The following DSCAML1 variants were observed in gnomAD, a reference collection of about 807,000 sequenced individuals.
DSCAML1 encodes cell adhesion molecule DSCAML1.
In DSCAML1, 38 loss-of-function variants were observed where a neutral mutation model predicts 200.5. That is an observed-to-expected ratio of 0.19 (90% CI 0.15 to 0.25). The LOEUF (loss-of-function observed/expected upper bound fraction) is 0.25, where lower values mean the gene tolerates loss of function less well. Ranked by LOEUF, DSCAML1 falls within the 10% of genes least tolerant of loss-of-function variation. The pLI is 1.00. For synonymous variants in DSCAML1, 1,215 were observed against 1,165.0 expected (o/e 1.04, Z -0.87); for missense variants, 2,223 against 2,858.8 (o/e 0.78, Z 5.07).
intron 20 of DSCAML1, among the ~76,000 whole-genome samples, chr11:117,449,971 T>G (rs2048253850): frequency 6.6e-6 from 1 of 152,196 alleles, no homozygotes; most frequent in Non-Finnish European, 1.5e-5. Context: ...ATGTCCTGCC[T>G]GGGGGCTGCC....
chr11:117,678,570 A>C (rs1591391566), intron 3 of DSCAML1, among the ~76,000 whole-genome samples: 1 of 152,208 alleles, frequency 6.6e-6, no homozygotes. Context: ...GCTGTATTTG[A>C]GAGAGGGTCA....
At chr11:117,570,310 G>A (rs973867258) in intron 3 of DSCAML1, among the ~76,000 whole-genome samples, 1 of 152,180 alleles carries the variant, frequency 6.6e-6, no homozygotes, top group African/African-American at 2.4e-5. Flanking sequence ...AGGAATTGCA[G>A]TTCTGAGACT....
chr11:117,711,697 T>C (rs1487401973), intron 3 of DSCAML1, among the ~76,000 whole-genome samples: 2 of 152,198 alleles, frequency 1.3e-5, no homozygotes. Context: ...TCCTTTTTTT[T>C]CCTCCAATTT....
Position 117,518,438 on chromosome 11 carries a change from A to T in DSCAML1, c.1510+28T>A. 1 of 1,613,716 alleles carries T rather than the reference A, an allele frequency of 6.2e-7. No individual in the cohort carries two copies. Among genetic ancestry groups the T allele is most frequent in the Non-Finnish European group, 8.5e-7 (1 of 1,179,808 alleles). Reference sequence around the variant, plus strand: ...AGATGGCAAAGGAACTCAAAAACCTATTCTGATATTTAAATGTAGACAGGC... The same window carrying T: ...AGATGGCAAAGGAACTCAAAAACCTTTTCTGATATTTAAATGTAGACAGGC... On this transcript the variant is annotated intron_variant, in intron 7 of 32. Transcript: ENST00000651296. The surrounding 1 kb of genome is among the most constrained non-coding windows in gnomAD (Gnocchi z 6.3).
chr11:117,640,388 GGA>G (rs1445661066), intron 3 of DSCAML1, among the ~76,000 whole-genome samples: 4 of 152,230 alleles, frequency 2.6e-5, no homozygotes, highest in African/African-American at 9.6e-5. Flanking sequence ...AAGGAAGGTA[GGA>G]GTGGGGAGAT....
intron 3 of DSCAML1, among the ~76,000 whole-genome samples, chr11:117,665,969 C>A (rs999827329): frequency 2.6e-5 from 4 of 152,208 alleles, no homozygotes; most frequent in African/African-American, 9.6e-5. Flanking sequence ...CAGTCCAGGA[C>A]CCTCTCTCTC....
intron 3 of DSCAML1, among the ~76,000 whole-genome samples, chr11:117,762,903 T>TAATAATAA (rs2054829997): frequency 7.8e-6 from 1 of 127,952 alleles, no homozygotes; most frequent in Non-Finnish European, 1.7e-5. Context: ...TAATAATAAT[T>TAATAATAA]TAATATATAT....
At chr11:117,705,640 T>A (rs2053747171) in intron 3 of DSCAML1, among the ~76,000 whole-genome samples, 1 of 152,242 alleles carries the variant, frequency 6.6e-6, no homozygotes, top group East Asian at 1.9e-4. Context: ...CTCACCCATG[T>A]GTCCTGTCTA....
At chr11:117,449,201 G>T (rs1313592649) in intron 20 of DSCAML1, among the ~76,000 whole-genome samples, 1 of 152,192 alleles carries the variant, frequency 6.6e-6, no homozygotes, top group African/African-American at 2.4e-5. Flanking sequence ...TACCTGGGAG[G>T]AGGGGCAGGC....
chr11:117,763,294 G>A (rs1466436038), intron 3 of DSCAML1, among the ~76,000 whole-genome samples: 5 of 152,146 alleles, frequency 3.3e-5, no homozygotes, highest in Middle Eastern at 6.8e-3. Flanking sequence ...CAGGATCCTT[G>A]GCAGTGAAAC....
intron 17 of DSCAML1, among the ~76,000 whole-genome samples, chr11:117,462,679 A>C (rs1264804277): frequency 6.6e-6 from 1 of 152,358 alleles, no homozygotes; most frequent in East Asian, 1.9e-4. Flanking sequence ...TTAGGGACCC[A>C]GTGTAATAAA....
At chr11:117,689,395 T>C (rs1417094507) in intron 3 of DSCAML1, among the ~76,000 whole-genome samples, 1 of 152,218 alleles carries the variant, frequency 6.6e-6, no homozygotes, top group Non-Finnish European at 1.5e-5. Flanking sequence ...AGAGCCTGTC[T>C]GATAACACAA....
chr11:117,608,871 T>TACGCATTTTAAA (rs143535802), intron 3 of DSCAML1, among the ~76,000 whole-genome samples: 3 of 152,104 alleles, frequency 2.0e-5, no homozygotes, highest in South Asian at 2.1e-4. Context: ...CATTGAGCAT[T>TACGCATTTTAAA]ATATCTGCCA....
intron 3 of DSCAML1, among the ~76,000 whole-genome samples, chr11:117,685,308 G>C (rs1448749187): frequency 6.6e-6 from 1 of 152,228 alleles, no homozygotes; most frequent in Non-Finnish European, 1.5e-5. Context: ...AACGGTCAGA[G>C]CTGGAATCCA....
At chr11:117,636,107 T>C (rs1204834297) in intron 3 of DSCAML1, among the ~76,000 whole-genome samples, 1 of 152,156 alleles carries the variant, frequency 6.6e-6, no homozygotes, top group African/African-American at 2.4e-5. Flanking sequence ...CCAGGGACCT[T>C]GCCCTGGCTG....
chr11:117,545,357 C>A (rs1409205131), intron 3 of DSCAML1, among the ~76,000 whole-genome samples: 1 of 152,140 alleles, frequency 6.6e-6, no homozygotes, highest in African/African-American at 2.4e-5. Context: ...TCACCAGAAA[C>A]CACACCTGCC....
intron 3 of DSCAML1, among the ~76,000 whole-genome samples, chr11:117,572,107 G>A (rs1053495914): frequency 6.6e-6 from 1 of 152,214 alleles, no homozygotes. Context: ...TTATGGAATA[G>A]CCATTCTTTT....
chr11:117,604,337 T>A (rs490914), intron 3 of DSCAML1, among the ~76,000 whole-genome samples: 137,967 of 151,672 alleles, frequency 0.91, 62,879 homozygotes, highest in Middle Eastern at 0.94. Context: ...GAAAGGGTGA[T>A]CATGTTTTCT....
intron 3 of DSCAML1, among the ~76,000 whole-genome samples, chr11:117,587,129 CT>C (rs2051159539): frequency 1.3e-5 from 2 of 152,056 alleles, no homozygotes; most frequent in South Asian, 4.1e-4. Flanking sequence ...CTGCTGCCCC[CT>C]CAGAGATGGC....
Sources: allele counts gnomAD v4.1 joint callset (sites outside exome capture counted in the v4.1 genomes callset), GRCh38; gene constraint gnomAD v4.1.1; non-coding constraint Gnocchi (gnomAD v3.1); transcripts MANE v1.5; gene names NCBI Gene and HGNC (gene_info 2026-07-23, HGNC 2026-07-21).